RIMBP2: variants seen among roughly 807,000 people sequenced by gnomAD.
The protein encoded by RIMBP2 is RIMS binding protein 2.
A neutral mutation model predicts 118.6 loss-of-function variants in RIMBP2; 48 were observed. That is an observed-to-expected ratio of 0.40 (90% CI 0.32 to 0.51). The LOEUF (loss-of-function observed/expected upper bound fraction) is 0.51. Among genes scored for constraint, RIMBP2 ranks in the 20% least tolerant of loss-of-function variants. RIMBP2 has a pLI of 0.41. For synonymous variants in RIMBP2, 762 were observed against 742.9 expected (o/e 1.03, Z -0.42); for missense variants, 1,551 against 1,768.3 (o/e 0.88, Z 2.20).
At chr12:130,587,097 A>G (rs1339309895) in intron 2 of RIMBP2, among the ~76,000 whole-genome samples, 1 of 147,090 alleles carries the variant, frequency 6.8e-6, no homozygotes, top group Non-Finnish European at 1.5e-5. Flanking sequence ...ATCACTGGCC[A>G]TCAGAGAAAT....
At chr12:130,500,658 C>T (rs776724397) in intron 4 of RIMBP2, among the ~76,000 whole-genome samples, 1 of 152,136 alleles carries the variant, frequency 6.6e-6, no homozygotes, top group African/African-American at 2.4e-5. Flanking sequence ...TCAGTTCAGA[C>T]AGGCCCTGAA....
chr12:130,579,463 G>C (rs1452341141), intron 2 of RIMBP2, among the ~76,000 whole-genome samples: 3 of 152,138 alleles, frequency 2.0e-5, no homozygotes, highest in East Asian at 3.9e-4. Flanking sequence ...CACTGGGAGC[G>C]GCTCTTGGGA....
intron 1 of RIMBP2, among the ~76,000 whole-genome samples, chr12:130,643,855 AC>A (rs1287470198): frequency 6.6e-6 from 1 of 152,150 alleles, no homozygotes; most frequent in Non-Finnish European, 1.5e-5. Context: ...GAACAAGGAA[AC>A]TGGAGAGCAA....
Position 130,523,307 on chromosome 12 carries a change from G to A in RIMBP2, c.-216-5390C>T, listed in dbSNP as rs1403811872. 2.0e-5 allele frequency among the ~76,000 whole-genome samples: 3 copies of A among 152,180 alleles called. No homozygotes were observed. Among genetic ancestry groups the A allele is most frequent in the East Asian group, 1.9e-4 (1 of 5,188 alleles). ...CCATCTGCAAGTCAAGAAGCGGCTC[G>A]CACCAGGAACCGAATCAGCCAGCAC... On this transcript the variant is annotated intron_variant, in intron 2 of 22. Coordinates refer to ENST00000690449, the MANE Select transcript of RIMBP2 (RefSeq NM_001393629.1). The surrounding 1 kb of genome is among the most constrained non-coding windows in gnomAD (Gnocchi z 4.4).
At chr12:130,438,335 A>AGCCCCCCCCCCC in intron 12 of RIMBP2, 30 bp downstream of exon 12, 5 of 865,008 alleles carry the variant, frequency 5.8e-6, no homozygotes, top group African/African-American at 3.4e-5. Context: ...GGCCTAACAA[A>AGCCCCCCCCCCC]CCCTCCCCAC....
intron 4 of RIMBP2, among the ~76,000 whole-genome samples, chr12:130,489,324 G>C (rs2048408286): frequency 6.6e-6 from 1 of 152,006 alleles, no homozygotes; most frequent in African/African-American, 2.4e-5. Context: ...CTTGGCTTTG[G>C]GTCACCCTGC....
rs369870698 is a variant in RIMBP2, at chr12:130,656,641, G to A, written c.-351-28185C>T. Among the ~76,000 whole-genome samples, 220 of 151,966 alleles carry A rather than the reference G, an allele frequency of 1.4e-3. 1 individual carries two copies. Among genetic ancestry groups the A allele is most frequent in the East Asian group, 7.0e-3 (36 of 5,162 alleles). ...CTCCGCTTGTGAGCGACCTCCCCGCGTCTTCACACCGTCTTCCCTCCACGT... is the reference window on the plus strand; with the variant it reads ...CTCCGCTTGTGAGCGACCTCCCCGCATCTTCACACCGTCTTCCCTCCACGT... On this transcript the variant is annotated intron_variant, in intron 1 of 22. Coordinates refer to ENST00000690449, the MANE Select transcript of RIMBP2 (RefSeq NM_001393629.1).
At chr12:130,650,510 G>A (rs775143563) in intron 1 of RIMBP2, among the ~76,000 whole-genome samples, 2 of 152,386 alleles carry the variant, frequency 1.3e-5, no homozygotes, top group Admixed American at 1.3e-4. Context: ...GCGTGACCCA[G>A]TCACAGGGGC....
chr12:130,647,810 C>A lies in RIMBP2; in HGVS notation c.-351-19354G>T, dbSNP rs907245592. On this transcript the variant is annotated intron_variant, in intron 1 of 22. Coordinates refer to ENST00000690449, the MANE Select transcript of RIMBP2 (RefSeq NM_001393629.1). ...ATTGGTGTGTGACTTTGCTGGTAAC[C>A]TCTACCTCTCTGCCTTTAAAGACCC... Among the ~76,000 whole-genome samples the A allele has an allele frequency of 8.9e-5, 13 of 145,994 alleles. 3 individuals carry two copies. Among genetic ancestry groups the A allele is most frequent in the Non-Finnish European group, 2.0e-4 (13 of 64,426 alleles).
intron 4 of RIMBP2, among the ~76,000 whole-genome samples, chr12:130,499,483 C>T (rs1255111579): frequency 6.6e-6 from 1 of 152,188 alleles, no homozygotes; most frequent in Non-Finnish European, 1.5e-5. Flanking sequence ...AAGGAAAGAG[C>T]CAAAGTCCTT....
intron 2 of RIMBP2, among the ~76,000 whole-genome samples, chr12:130,615,293 A>G (rs2060853852): frequency 7.7e-6 from 1 of 129,542 alleles, no homozygotes; most frequent in Non-Finnish European, 1.7e-5. Flanking sequence ...ATATATATAT[A>G]TATGTGTACA....
At chr12:130,477,416 G>A (rs2081531625) in intron 5 of RIMBP2, among the ~76,000 whole-genome samples, 1 of 152,208 alleles carries the variant, frequency 6.6e-6, no homozygotes, top group Non-Finnish European at 1.5e-5. Flanking sequence ...AATAAGTGCA[G>A]GTGCCATCAG....
At chr12:130,610,430 G>C (rs973393428) in intron 2 of RIMBP2, among the ~76,000 whole-genome samples, 7 of 151,798 alleles carry the variant, frequency 4.6e-5, no homozygotes, top group Non-Finnish European at 1.0e-4. Context: ...ATACTTAACA[G>C]ATTTAATAAA....
intron 2 of RIMBP2, among the ~76,000 whole-genome samples, chr12:130,586,501 C>CAG (rs1460470367): frequency 1.3e-5 from 2 of 152,128 alleles, no homozygotes; most frequent in Non-Finnish European, 2.9e-5. Flanking sequence ...TAGAACAGAA[C>CAG]AGAGCCCTCA....
chr12:130,433,157 T>A (rs2077261745), intron 14 of RIMBP2, among the ~76,000 whole-genome samples: 7 of 152,166 alleles, frequency 4.6e-5, no homozygotes, highest in Admixed American at 3.3e-4. Flanking sequence ...TTACACACAC[T>A]CTTTTCTGAT....
intron 14 of RIMBP2, 34 bp from the exon 15 acceptor site, chr12:130,428,371 G>A (rs1285794382): frequency 2.0e-5 from 31 of 1,583,306 alleles, no homozygotes; most frequent in South Asian, 3.5e-5. Context: ...CTGAGCGGGT[G>A]GCTCCTCCCG....
chr12:130,484,721 G>A (rs1380149991), intron 4 of RIMBP2, among the ~76,000 whole-genome samples: 1 of 152,168 alleles, frequency 6.6e-6, no homozygotes, highest in Non-Finnish European at 1.5e-5. Context: ...AGCTCTCCAC[G>A]CTGCCCACAT....
intron 2 of RIMBP2, among the ~76,000 whole-genome samples, chr12:130,618,689 C>T (rs967730435): frequency 1.3e-5 from 2 of 152,318 alleles, no homozygotes; most frequent in Middle Eastern, 6.8e-3. Flanking sequence ...AGGCAAAATG[C>T]CTTCCATGGA....
chr12:130,516,341 T>G (rs182274356), intron 3 of RIMBP2, among the ~76,000 whole-genome samples: 1 of 152,254 alleles, frequency 6.6e-6, no homozygotes, highest in African/African-American at 2.4e-5. Context: ...TCAATAGATG[T>G]TGACTGAGCA....
Sources: allele counts gnomAD v4.1 joint callset (sites outside exome capture counted in the v4.1 genomes callset), GRCh38; gene constraint gnomAD v4.1.1; non-coding constraint Gnocchi (gnomAD v3.1); transcripts MANE v1.5; gene names NCBI Gene and HGNC (gene_info 2026-07-23, HGNC 2026-07-21).